Variants in DARS1 observed in about 807,000 individuals in gnomAD.
DARS1 encodes the protein aspartate--tRNA ligase, cytoplasmic.
A neutral mutation model predicts 68.8 loss-of-function variants in DARS1; 51 were observed. That is an observed-to-expected ratio of 0.74 (90% CI 0.59 to 0.94). The LOEUF (loss-of-function observed/expected upper bound fraction) is 0.94, where lower values mean the gene tolerates loss of function less well. Among genes scored for constraint, DARS1 ranks in the 40% least tolerant of loss-of-function variants. The probability of loss-of-function intolerance (pLI) is 0.00; values close to 1 mark genes in which losing one functional copy is unlikely to be tolerated. For missense variants in DARS1, 607 were observed against 597.3 expected, an observed-to-expected ratio of 1.02 and a Z score of -0.17; for synonymous variants, 203 against 190.4, an observed-to-expected ratio of 1.07 and a Z score of -0.55.
At chr2:135,934,889 G>T (rs1314625420) in intron 5 of DARS1, among the ~76,000 whole-genome samples, 1 of 150,870 alleles carries the variant, frequency 6.6e-6, no homozygotes, top group Admixed American at 6.6e-5. Context: ...CTGTCTCCCG[G>T]GTTCAAGCGA....
intron 5 of DARS1, among the ~76,000 whole-genome samples, chr2:135,941,795 ACTC>A (rs1207045821): frequency 1.3e-5 from 2 of 152,170 alleles, no homozygotes; most frequent in Non-Finnish European, 2.9e-5. Context: ...TCTACAATGA[ACTC>A]CAACAAATTT....
At chr2:135,966,112 T>C (rs1433385581) in intron 3 of DARS1, among the ~76,000 whole-genome samples, 2 of 151,278 alleles carry the variant, frequency 1.3e-5, no homozygotes, top group East Asian at 3.8e-4. Flanking sequence ...TGTGCAAATT[T>C]AAAAAACAAA....
chr2:135,970,027 T>C (rs945489644), intron 3 of DARS1, among the ~76,000 whole-genome samples: 18 of 152,106 alleles, frequency 1.2e-4, no homozygotes, highest in African/African-American at 4.3e-4. Flanking sequence ...CAGCACAGTC[T>C]TCTTGTGCTT....
intron 7 of DARS1, among the ~76,000 whole-genome samples, chr2:135,929,082 C>T (rs1451401102): frequency 6.6e-6 from 1 of 152,152 alleles, no homozygotes; most frequent in Non-Finnish European, 1.5e-5. Context: ...GACAAAAACG[C>T]TAGCAGATCA....
intron 4 of DARS1, among the ~76,000 whole-genome samples, chr2:135,957,735 T>C (rs766059247): frequency 3.9e-5 from 6 of 152,150 alleles, no homozygotes; most frequent in Non-Finnish European, 7.3e-5. Flanking sequence ...AACTACTCTA[T>C]AGGTTCTCTT....
intron 5 of DARS1, among the ~76,000 whole-genome samples, chr2:135,938,159 C>A (rs545304042): frequency 6.6e-6 from 1 of 152,274 alleles, no homozygotes; most frequent in Admixed American, 6.5e-5. Flanking sequence ...TCACATAGTC[C>A]CATGTTTCTT....
chr2:135,937,313 T>C (rs1319066284), intron 5 of DARS1, among the ~76,000 whole-genome samples: 1 of 152,100 alleles, frequency 6.6e-6, no homozygotes, highest in Non-Finnish European at 1.5e-5. Context: ...GGTTTTGAAC[T>C]CCTGACCTCA....
rs192403235 is a variant in DARS1 at position 135,929,905 on chromosome 2, T to G, written c.564+2878A>C. On this transcript the variant is annotated intron_variant, in intron 7 of 15. Coordinates refer to ENST00000264161, the MANE Select transcript of DARS1 (RefSeq NM_001349.4). The stretch of plus-strand genomic sequence containing the variant: ...TGCCCTGAGTGCTGTGTGGCTACTT[T>G]AAGCTCATCAAGAATATTATGTATA... Among the ~76,000 whole-genome samples the G allele has an allele frequency of 1.9e-3, 295 of 152,308 alleles. 2 individuals are homozygous for G. The highest frequency in any genetic ancestry group is 6.7e-3 in the African/African-American group (279 of 41,580).
rs79933222 is a variant in DARS1, at chr2:135,927,356, A to C, written c.565-2858T>G. On this transcript the variant is annotated intron_variant, in intron 7 of 15. Coordinates refer to ENST00000264161, the MANE Select transcript of DARS1 (RefSeq NM_001349.4). ...GTTAATTTCAATGCAAATATATAAC[A>C]ACCTTATTTTCAACTGACAAGGAAT... 9.1e-3 allele frequency among the ~76,000 whole-genome samples: 1,385 copies of C among 152,270 alleles called. 21 individuals are homozygous for C. Among genetic ancestry groups the C allele is most frequent in the African/African-American group, 0.032 (1,335 of 41,560 alleles).
At chr2:135,917,731 G>A (rs528963108) in intron 10 of DARS1, among the ~76,000 whole-genome samples, 12 of 151,870 alleles carry the variant, frequency 7.9e-5, no homozygotes, top group Non-Finnish European at 1.6e-4. Context: ...TGCCCGTCTC[G>A]GCCTCCCAAA....
chr2:135,912,508 G>T lies in DARS1; in HGVS notation c.1208C>A (p.Thr403Asn). 2.7e-6 allele frequency: 3 copies of T among 1,122,944 alleles called. No homozygotes were observed. Among genetic ancestry groups the T allele is most frequent in the Non-Finnish European group, 4.0e-6 (3 of 747,594 alleles). 69.6% of individuals were successfully genotyped at this position (1,122,944 alleles called of 1,614,324 possible). The change falls in exon 13 of 16, where the codon ACC becomes AAC. Residue 403 changes from threonine to asparagine, a missense_variant. Transcript: ENST00000264161. ...KYPLAVRPFY[T>N]MPDPRNPKQS... The stretch of plus-strand genomic sequence containing the variant: ...TACGGGATTTCTTGGGTCAGGCATG[G>T]TATAGAAAGGTCTTACAGCCAATGG...
intron 10 of DARS1, among the ~76,000 whole-genome samples, chr2:135,919,868 G>C (rs1575384968): frequency 6.6e-6 from 1 of 152,204 alleles, no homozygotes; most frequent in Non-Finnish European, 1.5e-5. Context: ...ATTGATTTAA[G>C]AATTAACCAT....
chr2:135,946,325 G>C (rs1377638002), intron 4 of DARS1, among the ~76,000 whole-genome samples: 1 of 152,154 alleles, frequency 6.6e-6, no homozygotes, highest in Non-Finnish European at 1.5e-5. Context: ...ACCACTGCTA[G>C]CTTCTTTTCA....
At chr2:135,917,276 T>C (rs1681025564) in intron 10 of DARS1, among the ~76,000 whole-genome samples, 1 of 152,150 alleles carries the variant, frequency 6.6e-6, no homozygotes, top group South Asian at 2.1e-4. Context: ...GTAAACACAA[T>C]TGGCCACAGG....
At chr2:135,919,116 C>T (rs979117736) in intron 10 of DARS1, among the ~76,000 whole-genome samples, 1 of 152,132 alleles carries the variant, frequency 6.6e-6, no homozygotes, top group African/African-American at 2.4e-5. Flanking sequence ...CTGCAACCTC[C>T]GCCTCCTAGG....
intron 4 of DARS1, among the ~76,000 whole-genome samples, chr2:135,946,758 G>C (rs770851889): frequency 6.6e-6 from 1 of 152,054 alleles, no homozygotes; most frequent in Non-Finnish European, 1.5e-5. Context: ...ATAAATCGGG[G>C]GAAAAAGCAG....
intron 5 of DARS1, among the ~76,000 whole-genome samples, chr2:135,937,088 A>G (rs1428276629): frequency 3.3e-5 from 5 of 151,994 alleles, no homozygotes; most frequent in Admixed American, 6.6e-5. Flanking sequence ...GAATTCACTT[A>G]TGGTTTTTTT....
chr2:135,916,024 GA>G (rs1423930410), intron 11 of DARS1, among the ~76,000 whole-genome samples: 2 of 152,098 alleles, frequency 1.3e-5, no homozygotes, highest in African/African-American at 4.8e-5. Context: ...TGTATCAGGT[GA>G]AAAAAATCAT....
intron 6 of DARS1, 140 bp from the exon 7 acceptor site, chr2:135,932,982 T>C (rs2104810273): frequency 3.7e-6 from 2 of 545,328 alleles, no homozygotes; most frequent in Non-Finnish European, 3.2e-6. Context: ...AATCAGATAA[T>C]GGTAGAAACA....
Sources: allele counts gnomAD v4.1 joint callset (sites outside exome capture counted in the v4.1 genomes callset), GRCh38; gene constraint gnomAD v4.1.1; transcripts MANE v1.5; gene names NCBI Gene and HGNC (gene_info 2026-07-23, HGNC 2026-07-21).